PITPNC1: variants seen among roughly 807,000 people sequenced by gnomAD.
PITPNC1 encodes the protein phosphatidylinositol transfer protein cytoplasmic 1, also known as cytoplasmic phosphatidylinositol transfer protein 1.
Under a neutral mutation model 44.7 loss-of-function variants are expected in PITPNC1, and 18 were observed. The observed-to-expected ratio is 0.40, with a 90% CI of 0.28 to 0.60. The LOEUF (loss-of-function observed/expected upper bound fraction) is 0.60, where lower values mean the gene tolerates loss of function less well. PITPNC1 is among the 20% of genes least tolerant of loss of function. The probability of loss-of-function intolerance (pLI) is 0.39; values close to 1 mark genes in which losing one functional copy is unlikely to be tolerated. For synonymous variants in PITPNC1, 141 were observed against 149.6 expected (o/e 0.94, Z 0.42); for missense variants, 290 against 418.4 (o/e 0.69, Z 2.68).
intron 1 of PITPNC1, among the ~76,000 whole-genome samples, chr17:67,380,399 A>G (rs2037940603): frequency 6.6e-6 from 1 of 152,112 alleles, no homozygotes; most frequent in South Asian, 2.1e-4. Context: ...TAATTGGCCA[A>G]CAAAATCAGA....
At chr17:67,434,856 C>T (rs2038912735) in intron 1 of PITPNC1, among the ~76,000 whole-genome samples, 1 of 151,416 alleles carries the variant, frequency 6.6e-6, no homozygotes, top group Non-Finnish European at 1.5e-5. Flanking sequence ...CGCCTGTAAT[C>T]CCAACACTTT....
intron 1 of PITPNC1, among the ~76,000 whole-genome samples, chr17:67,434,735 C>G (rs1349918134): frequency 6.6e-6 from 1 of 150,754 alleles, no homozygotes; most frequent in Non-Finnish European, 1.5e-5. Flanking sequence ...ATTGCTTGAG[C>G]CCAGGAGGTG....
intron 6 of PITPNC1, among the ~76,000 whole-genome samples, chr17:67,647,186 T>C (rs1038125892): frequency 6.6e-6 from 1 of 152,196 alleles, no homozygotes; most frequent in Non-Finnish European, 1.5e-5. Context: ...AGTTTCCTCT[T>C]TACAAACATT....
At chr17:67,383,594 T>C (rs2037996746) in intron 1 of PITPNC1, among the ~76,000 whole-genome samples, 1 of 152,160 alleles carries the variant, frequency 6.6e-6, no homozygotes, top group Non-Finnish European at 1.5e-5. Context: ...CCAAGGAGGC[T>C]CCTTGGAGCA....
chr17:67,553,567 CT>C, intron 3 of PITPNC1, 42 bp from the exon 4 acceptor site: 8 of 1,028,000 alleles, frequency 7.8e-6, no homozygotes, highest in Non-Finnish European at 1.1e-5. Context: ...TCTTTTGTCT[CT>C]TTTTTCTTTC....
chr17:67,378,298 C>T, intron 1 of PITPNC1, 96 bp downstream of exon 1: 5 of 760,664 alleles, frequency 6.6e-6, no homozygotes, highest in Non-Finnish European at 9.7e-6. Context: ...GGCAGGAAAC[C>T]CAGGTGGACG....
chr17:67,432,429 A>T (rs1162505008), intron 1 of PITPNC1, among the ~76,000 whole-genome samples: 1 of 152,114 alleles, frequency 6.6e-6, no homozygotes, highest in Non-Finnish European at 1.5e-5. Flanking sequence ...TGGAGCTTGC[A>T]GTGAGCCGAG....
Position 67,649,739 on chromosome 17 carries a change from A to T in PITPNC1, c.462+17501A>T, listed in dbSNP as rs112250597. Among the ~76,000 whole-genome samples, 367 of 151,286 alleles carry T rather than the reference A, an allele frequency of 2.4e-3. 2 individuals are homozygous for T. The highest frequency in any genetic ancestry group is 7.6e-3 in the African/African-American group (315 of 41,312). On this transcript the variant is annotated intron_variant, in intron 6 of 8. Coordinates refer to ENST00000581322, the MANE Select transcript of PITPNC1 (RefSeq NM_012417.4). ...ATCTCTATTTTTTTTACTAAAAAAAATTTTTTTTTTAATCTGGGGTCTCCA... is the reference window on the plus strand; with the variant it reads ...ATCTCTATTTTTTTTACTAAAAAAATTTTTTTTTTTAATCTGGGGTCTCCA...
intron 2 of PITPNC1, among the ~76,000 whole-genome samples, chr17:67,540,352 A>G (rs982266098): frequency 6.6e-6 from 1 of 151,916 alleles, no homozygotes; most frequent in African/African-American, 2.4e-5. Context: ...TGATCCTCCC[A>G]CCTTGGCCTC....
intron 1 of PITPNC1, among the ~76,000 whole-genome samples, chr17:67,507,658 T>C (rs1357152994): frequency 8.3e-6 from 1 of 120,540 alleles, no homozygotes; most frequent in Non-Finnish European, 1.6e-5. Flanking sequence ...CACTCCAGCC[T>C]GGGTGACAGG....
chr17:67,463,518 C>T (rs1345938888), intron 1 of PITPNC1, among the ~76,000 whole-genome samples: 19 of 152,094 alleles, frequency 1.2e-4, no homozygotes, highest in Non-Finnish European at 2.5e-4. Flanking sequence ...ATTCGGCTTC[C>T]GGAAGTCCTT....
intron 5 of PITPNC1, among the ~76,000 whole-genome samples, chr17:67,622,434 C>A (rs1278245999): frequency 6.6e-6 from 1 of 150,380 alleles, no homozygotes; most frequent in Non-Finnish European, 1.5e-5. Flanking sequence ...GAAACAGTCA[C>A]CACTGAATTG....
intron 1 of PITPNC1, among the ~76,000 whole-genome samples, chr17:67,464,640 G>A (rs1049196871): frequency 3.9e-5 from 6 of 152,122 alleles, no homozygotes; most frequent in African/African-American, 9.7e-5. Flanking sequence ...ATTGATGGAA[G>A]CTAATTTAAA....
chr17:67,557,828 C>A (rs538375092), intron 4 of PITPNC1, among the ~76,000 whole-genome samples: 1 of 152,202 alleles, frequency 6.6e-6, no homozygotes, highest in Non-Finnish European at 1.5e-5. Context: ...TGCTCTTTAT[C>A]CCCTGATCCT....
At chr17:67,634,533 C>CA (rs143911297) in intron 6 of PITPNC1, among the ~76,000 whole-genome samples, 3,140 of 150,196 alleles carry the variant, frequency 0.021, 47 homozygotes, top group South Asian at 0.038. Flanking sequence ...GAAACTGTCT[C>CA]AAAAAAAAAC....
chr17:67,692,441 G>A (rs758419389), intron 8 of PITPNC1, 131 bp from the exon 9 acceptor site: 11 of 651,470 alleles, frequency 1.7e-5, no homozygotes, highest in Non-Finnish European at 3.0e-5. Flanking sequence ...ATGATACTTT[G>A]GGTGTATAAT....
At chr17:67,519,853 GC>G (rs1032989835) in intron 1 of PITPNC1, among the ~76,000 whole-genome samples, 1 of 152,168 alleles carries the variant, frequency 6.6e-6, no homozygotes, top group Non-Finnish European at 1.5e-5. Flanking sequence ...AAAACCACTT[GC>G]CAAGCCAGTC....
intron 5 of PITPNC1, among the ~76,000 whole-genome samples, chr17:67,627,971 G>C (rs1185667322): frequency 4.1e-5 from 6 of 145,180 alleles, no homozygotes; most frequent in Non-Finnish European, 6.0e-5. Flanking sequence ...GTGTCGCCCA[G>C]GCTGGAGTGC....
chr17:67,490,615 G>A (rs1417317588), intron 1 of PITPNC1, among the ~76,000 whole-genome samples: 1 of 152,024 alleles, frequency 6.6e-6, no homozygotes, highest in Non-Finnish European at 1.5e-5. Context: ...GGAGTTTCTG[G>A]TGTCCCAGAA....
Sources: allele counts gnomAD v4.1 joint callset (sites outside exome capture counted in the v4.1 genomes callset), GRCh38; gene constraint gnomAD v4.1.1; transcripts MANE v1.5; gene names NCBI Gene and HGNC (gene_info 2026-07-23, HGNC 2026-07-21).